PRMT1: variants seen among roughly 807,000 people sequenced by gnomAD.
The protein encoded by PRMT1 is protein arginine N-methyltransferase 1.
In PRMT1, 5 loss-of-function variants were observed where a neutral mutation model predicts 47.4. That is an observed-to-expected ratio of 0.11 (90% confidence interval 0.06 to 0.22). The LOEUF is 0.22. Among genes scored for constraint, PRMT1 ranks in the 10% least tolerant of loss-of-function variants. PRMT1 has a pLI of 1.00. For missense variants in PRMT1, 249 were observed against 518.4 expected, an observed-to-expected ratio of 0.48 and a Z score of 5.05; for synonymous variants, 227 against 204.6, an observed-to-expected ratio of 1.11 and a Z score of -0.94.
rs1035861603 is a variant in PRMT1, at chr19:49,680,462, C to T, written c.91-25C>T. 4 of 1,581,538 alleles carry T rather than the reference C, an allele frequency of 2.5e-6. No homozygotes were observed. Among genetic ancestry groups the T allele is most frequent in the Non-Finnish European group, 3.5e-6 (4 of 1,150,574 alleles). ...CTGTGGGGAGCCCCCAGATCTGACC[C>T]ATGATCCCATCGGCCCCCTCCCAGG... On this transcript the variant is annotated intron_variant, in intron 2 of 10. Coordinates refer to ENST00000454376, the MANE Select transcript of PRMT1 (RefSeq NM_001536.6). This position sits in a 1 kb window ranked among gnomAD's most constrained non-coding sequence, Gnocchi z 4.2.
Position 49,682,235 on chromosome 19 carries a change from G to A in PRMT1, c.388G>A (p.Val130Ile), listed in dbSNP as rs772707332. 10 of 1,613,614 alleles carry A rather than the reference G, an allele frequency of 6.2e-6. No individual in the cohort carries two copies. The highest frequency in any genetic ancestry group is 1.8e-4 in the Middle Eastern group (1 of 5,704). ...TATCTCTGATTATGCGGTGAAGATCGTCAAAGCCAACAAGTTAGACCACGG... is the reference window on the plus strand; with the variant it reads ...TATCTCTGATTATGCGGTGAAGATCATCAAAGCCAACAAGTTAGACCACGG... ...SSISDYAVKI[V>I]KANKLDHVVT... The change falls in exon 5 of 11, where the codon GTC becomes ATC. Residue 130 changes from valine (V) to isoleucine (I), a missense_variant. By Grantham distance (29) the Val-to-Ile change is conservative. Around this residue, in one of 2 missense-constraint regions of PRMT1, gnomAD observed 190 missense variants for 456.7 expected, o/e 0.42. Transcript: ENST00000454376.
rs148513044 is a variant in PRMT1 at position 49,686,720 on chromosome 19, G to A, written c.1026G>A (p.Lys342=). Residue 342 remains lysine, a synonymous_variant, in exon 10 of 11, where the codon AAG becomes AAA. Coordinates refer to ENST00000454376, the MANE Select transcript of PRMT1 (RefSeq NM_001536.6). ...CCATCGGCATGCGGCCCAACGCCAA[G>A]AACAACGTGAGGCTCCGGGCAGCTG... is the stretch of plus-strand genomic sequence containing the variant. ...FGTIGMRPNA[K]NNRDLDFTID... The A allele has an allele frequency of 3.1e-6, 5 of 1,594,678 alleles. No individual in the cohort carries two copies. The highest frequency in any genetic ancestry group is 4.3e-6 in the Non-Finnish European group (5 of 1,168,578).
In PRMT1 at chr19:49,688,106, C is replaced by CCG. The variant is rs1555770888; in HGVS notation, c.1033-55_1033-54insGC. The CCG allele has an allele frequency of 4.0e-6, 6 of 1,486,312 alleles. No individual in the cohort carries two copies. The African/African-American group carries it at 8.6e-5, about 21-fold the overall frequency. The allele number at this position is 1,486,312 out of a possible 1,614,324, so 92.1% of individuals were successfully genotyped here. On this transcript the variant is annotated intron_variant, in intron 10 of 10. Transcript: ENST00000454376. The surrounding 1 kb of genome is among the most constrained non-coding windows in gnomAD (Gnocchi z 5.3). ...TCGTCGCATAGCCTGCCTGCACCCG[C>CCG]CCCCCGCCACCACCTCCTGGTGGGT...
At chr19:49,687,965 G>T (rs2082234666) in intron 10 of PRMT1, 197 bp from the exon 11 acceptor site, 1 of 629,472 alleles carries the variant, frequency 1.6e-6, no homozygotes, top group Non-Finnish European at 2.9e-6. Flanking sequence ...GAGTCTAGTG[G>T]GCTTGGGGGT....
Position 49,685,265 on chromosome 19 carries a change from G to T in PRMT1, c.759+228G>T. On this transcript the variant is annotated intron_variant, in intron 8 of 10. Transcript: ENST00000454376. This position sits in a 1 kb window ranked among gnomAD's most constrained non-coding sequence, Gnocchi z 4.7. ...GCTTGGCACTTGGCTTCTGGCGGAG[G>T]AAACACCCAAAGCTGGCAGCTAAAG... 1 of 1,461,200 alleles carries T rather than the reference G, an allele frequency of 6.8e-7. No individual in the cohort carries two copies. The highest frequency in any genetic ancestry group is 9.0e-7 in the Non-Finnish European group (1 of 1,106,062). The allele number at this position is 1,461,200 out of a possible 1,614,324, so 90.5% of individuals were successfully genotyped here. A position where few individuals can be genotyped will look rare whatever the true frequency, so the allele number is the denominator to read the frequency against.
Position 49,685,259 on chromosome 19 carries a change from G to A in PRMT1, c.759+222G>A, listed in dbSNP as rs1332829288. 4 of 1,467,100 alleles carry A rather than the reference G, an allele frequency of 2.7e-6. No individual in the cohort carries two copies. The Admixed American group carries it at 6.7e-5, about 25-fold the overall frequency. The allele number at this position is 1,467,100 out of a possible 1,614,324, so 90.9% of individuals were successfully genotyped here. ...AACCATGCTTGGCACTTGGCTTCTGGCGGAGGAAACACCCAAAGCTGGCAG... is the reference window on the plus strand; with the variant it reads ...AACCATGCTTGGCACTTGGCTTCTGACGGAGGAAACACCCAAAGCTGGCAG... On this transcript the variant is annotated intron_variant, in intron 8 of 10. Transcript: ENST00000454376. This position sits in a 1 kb window ranked among gnomAD's most constrained non-coding sequence, Gnocchi z 4.7.
In PRMT1 at chr19:49,680,382, T is replaced by G. The variant is rs1227235844; in HGVS notation, c.91-105T>G. 2 of 1,149,420 alleles carry G rather than the reference T, an allele frequency of 1.7e-6. No individual in the cohort carries two copies. Among genetic ancestry groups the G allele is most frequent in the Non-Finnish European group, 2.6e-6 (2 of 770,006 alleles). The allele number at this position is 1,149,420 out of a possible 1,614,324, so 71.2% of individuals were successfully genotyped here. On this transcript the variant is annotated intron_variant, in intron 2 of 10. Coordinates refer to ENST00000454376, the MANE Select transcript of PRMT1 (RefSeq NM_001536.6). The surrounding 1 kb of genome is among the most constrained non-coding windows in gnomAD (Gnocchi z 4.2). ...GCTGTAGGGTTGTCATGGTATGATT[T>G]TGGGGGTTCTATACTACTCTTCAGG...
At chr19:49,679,765 G>T in intron 1 of PRMT1, 107 bp from the exon 2 acceptor site, 1 of 798,218 alleles carries the variant, frequency 1.3e-6, no homozygotes. Context: ...CACCAAGAAG[G>T]AGAATTGCTG....
Position 49,681,940 on chromosome 19 carries a change from A to C in PRMT1, c.223A>C (p.Thr75Pro). The C allele has an allele frequency of 6.2e-7, 1 of 1,614,064 alleles. No individual in the cohort carries two copies. The highest frequency in any genetic ancestry group is 8.5e-7 in the Non-Finnish European group (1 of 1,179,990). Residue 75 changes from threonine to proline, a missense_variant, in exon 4 of 11, where the codon ACT (threonine) becomes CCT (proline). Thr to Pro is a conservative substitution (Grantham distance 38). Around this residue, in one of 2 missense-constraint regions of PRMT1, gnomAD observed 190 missense variants for 456.7 expected, o/e 0.42. Transcript: ENST00000454376. This position sits in a 1 kb window ranked among gnomAD's most constrained non-coding sequence, Gnocchi z 4.4. ...GCTGAAGGACGAGGTGCGCACCCTC[A>C]CTTACCGCAACTCCATGTTTCATAA... is the stretch of plus-strand genomic sequence containing the variant. ...EMLKDEVRTL[T>P]YRNSMFHNRH...
intron 10 of PRMT1, among the ~76,000 whole-genome samples, chr19:49,687,068 A>G (rs2123015857): frequency 6.6e-6 from 1 of 152,180 alleles, no homozygotes; most frequent in Admixed American, 6.5e-5. Flanking sequence ...TCAGGCTGGG[A>G]GCAGGGCAGA....
chr19:49,683,166 A>G (rs951207666), intron 5 of PRMT1, among the ~76,000 whole-genome samples: 2 of 150,022 alleles, frequency 1.3e-5, no homozygotes, highest in African/African-American at 4.9e-5. Flanking sequence ...TGATCCATCC[A>G]CTTTGGCCTC....
At chr19:49,686,406 C>T (rs979368531) in intron 9 of PRMT1, among the ~76,000 whole-genome samples, 163 bp downstream of exon 9, 1 of 152,114 alleles carries the variant, frequency 6.6e-6, no homozygotes, top group African/African-American at 2.4e-5. Context: ...GGCAAGTGAC[C>T]TGAGTGTGCA....
rs891560462 is a variant in PRMT1, at chr19:49,685,294, A to G, written c.759+257A>G. On this transcript the variant is annotated intron_variant, in intron 8 of 10. Coordinates refer to ENST00000454376, the MANE Select transcript of PRMT1 (RefSeq NM_001536.6). This position sits in a 1 kb window ranked among gnomAD's most constrained non-coding sequence, Gnocchi z 4.7. ...CACCCAAAGCTGGCAGCTAAAGCCC[A>G]CAGCCCATGCACGGAAAGGCAGGAC... is the stretch of plus-strand genomic sequence containing the variant. 24 of 1,414,504 alleles carry G rather than the reference A, an allele frequency of 1.7e-5. No homozygotes were observed. Among genetic ancestry groups the G allele is most frequent in the Non-Finnish European group, 2.2e-5 (24 of 1,080,752 alleles). The allele number at this position is 1,414,504 out of a possible 1,614,324, so 87.6% of individuals were successfully genotyped here. A position where few individuals can be genotyped will look rare whatever the true frequency, so the allele number is the denominator to read the frequency against.
At position 49,684,107 on chromosome 19, in the gene PRMT1, T is replaced by C. The variant is rs778360974; in HGVS notation, c.555+38T>C. ...CGGGACGGGTGCAGCTCGCGTGGGCTGGGGTCCAGGTAGAAGACGAAAACC... is the reference window on the plus strand; with the variant it reads ...CGGGACGGGTGCAGCTCGCGTGGGCCGGGGTCCAGGTAGAAGACGAAAACC... On this transcript the variant is annotated intron_variant, in intron 6 of 10. Coordinates refer to ENST00000454376, the MANE Select transcript of PRMT1 (RefSeq NM_001536.6). This position sits in a 1 kb window ranked among gnomAD's most constrained non-coding sequence, Gnocchi z 6.2. 2 of 1,611,396 alleles carry C rather than the reference T, an allele frequency of 1.2e-6. No homozygotes were observed. Among genetic ancestry groups the C allele is most frequent in the Non-Finnish European group, 1.7e-6 (2 of 1,178,166 alleles).
intron 4 of PRMT1, 37 bp downstream of exon 4, chr19:49,682,102 A>AGGC (rs1337370888): frequency 6.2e-7 from 1 of 1,613,664 alleles, no homozygotes; most frequent in Non-Finnish European, 8.5e-7. Context: ...GCCGGGCCTG[A>AGGC]GGGATGGAGG....
Position 49,681,626 on chromosome 19 carries a change from T to C in PRMT1, c.193-284T>C, listed in dbSNP as rs1399579860. Among the ~76,000 whole-genome samples, 1 of 151,912 alleles carries C rather than the reference T, an allele frequency of 6.6e-6. No homozygotes were observed. The highest frequency in any genetic ancestry group is 2.4e-5 in the African/African-American group (1 of 41,330). On this transcript the variant is annotated intron_variant, in intron 3 of 10. Coordinates refer to ENST00000454376, the MANE Select transcript of PRMT1 (RefSeq NM_001536.6). This position sits in a 1 kb window ranked among gnomAD's most constrained non-coding sequence, Gnocchi z 4.4. ...GGTGGTGTGCACCTATAATCTCAGC[T>C]ACTTGGGAGGCTGAGGCAGGAGAAT...
In PRMT1 at chr19:49,685,681, G is replaced by A; in HGVS notation, c.760-412G>A. Reference sequence around the variant, plus strand: ...GGGAGGAGAGGAGACTACAGGGGCAGGGACCCCACTCGGGCCACCCTCCTG... The same window carrying A: ...GGGAGGAGAGGAGACTACAGGGGCAAGGACCCCACTCGGGCCACCCTCCTG... On this transcript the variant is annotated intron_variant, in intron 8 of 10. Transcript: ENST00000454376. The surrounding 1 kb of genome is among the most constrained non-coding windows in gnomAD (Gnocchi z 4.7). 1 of 1,037,126 alleles carries A rather than the reference G, an allele frequency of 9.6e-7. No individual in the cohort carries two copies. Among genetic ancestry groups the A allele is most frequent in the Non-Finnish European group, 1.2e-6 (1 of 861,756 alleles). The allele number at this position is 1,037,126 out of a possible 1,614,324, so 64.2% of individuals were successfully genotyped here.
chr19:49,677,079 G>A, upstream of PRMT1: 3 of 433,430 alleles, frequency 6.9e-6, no homozygotes, highest in Non-Finnish European at 1.2e-5. Flanking sequence ...CGCCAGAGTT[G>A]GCAAACCCCT....
In PRMT1 at chr19:49,688,348, GGGCCT is replaced by G; in HGVS notation, c.*106_*110del. On this transcript the variant is annotated 3_prime_UTR_variant, in exon 11 of 11. Coordinates refer to ENST00000454376, the MANE Select transcript of PRMT1 (RefSeq NM_001536.6). The surrounding 1 kb of genome is among the most constrained non-coding windows in gnomAD (Gnocchi z 5.3). ...TCCCTCCCGCAGAAGGGGGTTTTAG[GGGCCT>G]GGGCTGGGGGGATGGGGAGGGCACA... is the stretch of plus-strand genomic sequence containing the variant. The G allele has an allele frequency of 1.8e-6, 2 of 1,140,004 alleles. No individual in the cohort carries two copies. Among genetic ancestry groups the G allele is most frequent in the Admixed American group, 1.8e-5 (1 of 56,946 alleles). The allele number at this position is 1,140,004 out of a possible 1,614,324, so 70.6% of individuals were successfully genotyped here. A position where few individuals can be genotyped will look rare whatever the true frequency, so the allele number is the denominator to read the frequency against.
Sources: allele counts gnomAD v4.1 joint callset (sites outside exome capture counted in the v4.1 genomes callset), GRCh38; gene constraint gnomAD v4.1.1; regional missense constraint gnomAD v4.1.1; non-coding constraint Gnocchi (gnomAD v3.1); transcripts MANE v1.5; gene names NCBI Gene and HGNC (gene_info 2026-07-23, HGNC 2026-07-21).